XYLT1: variants seen among roughly 807,000 people sequenced by gnomAD.
The protein encoded by XYLT1 is xylosyltransferase 1.
In XYLT1, 36 loss-of-function variants were observed where a neutral mutation model predicts 91.3. The ratio of observed to expected loss-of-function variants is 0.39; its 90% CI spans 0.30 to 0.52. XYLT1 has a LOEUF of 0.52. XYLT1 is among the 20% of genes least tolerant of loss of function. The pLI is 0.68. For missense variants in XYLT1, 1,242 were observed against 1,284.5 expected, an observed-to-expected ratio of 0.97 and a Z score of 0.51; for synonymous variants, 588 against 532.0, an observed-to-expected ratio of 1.11 and a Z score of -1.45.
At chr16:17,158,213 G>A (rs550020959) in intron 6 of XYLT1, among the ~76,000 whole-genome samples, 3 of 152,294 alleles carry the variant, frequency 2.0e-5, no homozygotes, top group South Asian at 4.1e-4. Flanking sequence ...CATTTTAAGC[G>A]AGAGAGGTGT....
intron 1 of XYLT1, among the ~76,000 whole-genome samples, chr16:17,382,807 G>A (rs2035698169): frequency 6.6e-6 from 1 of 151,852 alleles, no homozygotes; most frequent in Admixed American, 6.6e-5. Flanking sequence ...TCTCGTGCAA[G>A]ACACTTTAGT....
At chr16:17,278,669 C>A (rs1437383058) in intron 2 of XYLT1, among the ~76,000 whole-genome samples, 1 of 152,160 alleles carries the variant, frequency 6.6e-6, no homozygotes, top group African/African-American at 2.4e-5. Context: ...ACTGTTTACC[C>A]AAGATTTTGC....
chr16:17,124,325 G>C (rs1436329041), intron 10 of XYLT1, among the ~76,000 whole-genome samples: 1 of 152,116 alleles, frequency 6.6e-6, no homozygotes, highest in Admixed American at 6.5e-5. Context: ...GCTTGGTAGT[G>C]GTGAATTATC....
intron 2 of XYLT1, among the ~76,000 whole-genome samples, chr16:17,294,490 G>T (rs978712178): frequency 9.9e-5 from 15 of 152,158 alleles, no homozygotes; most frequent in Non-Finnish European, 1.5e-4. Context: ...TGTAAGGGAG[G>T]GTGGCAGGGA....
At chr16:17,383,344 G>A (rs2035704917) in intron 1 of XYLT1, among the ~76,000 whole-genome samples, 1 of 151,694 alleles carries the variant, frequency 6.6e-6, no homozygotes, top group Admixed American at 6.6e-5. Context: ...CCTGACCTCC[G>A]AAGATAAGTA....
At chr16:17,411,859 C>T (rs1441962328) in intron 1 of XYLT1, among the ~76,000 whole-genome samples, 1 of 152,218 alleles carries the variant, frequency 6.6e-6, no homozygotes, top group East Asian at 1.9e-4. Flanking sequence ...ACCTTACTGA[C>T]TGATGGACAC....
At chr16:17,400,273 T>C (rs1163507591) in intron 1 of XYLT1, among the ~76,000 whole-genome samples, 3 of 152,150 alleles carry the variant, frequency 2.0e-5, no homozygotes, top group African/African-American at 7.2e-5. Context: ...ACACAAATTA[T>C]AGTACCTACT....
chr16:17,456,844 A>G (rs2036750359), intron 1 of XYLT1, among the ~76,000 whole-genome samples: 1 of 152,208 alleles, frequency 6.6e-6, no homozygotes, highest in South Asian at 2.1e-4. Context: ...TGGGAATACT[A>G]TCAGCAGCCA....
intron 2 of XYLT1, among the ~76,000 whole-genome samples, chr16:17,272,343 T>C (rs2033909802): frequency 6.6e-6 from 1 of 151,908 alleles, no homozygotes; most frequent in African/African-American, 2.4e-5. Flanking sequence ...TTTGTACTTT[T>C]AGTAGAGACG....
At chr16:17,459,354 G>A (rs903842638) in intron 1 of XYLT1, among the ~76,000 whole-genome samples, 7 of 152,174 alleles carry the variant, frequency 4.6e-5, no homozygotes, top group African/African-American at 1.4e-4. Context: ...CCGGGGTGAC[G>A]TAAGGAGTCC....
intron 2 of XYLT1, among the ~76,000 whole-genome samples, chr16:17,293,744 T>C (rs2034266345): frequency 6.6e-6 from 1 of 151,772 alleles, no homozygotes; most frequent in South Asian, 2.1e-4. Context: ...CCTCCTCGGA[T>C]GCCCAAAGTG....
intron 1 of XYLT1, among the ~76,000 whole-genome samples, chr16:17,459,972 A>T (rs531160857): frequency 6.6e-6 from 1 of 152,214 alleles, no homozygotes; most frequent in Non-Finnish European, 1.5e-5. Context: ...CTGCTTGAAG[A>T]CATGAGCCCC....
At chr16:17,361,113 G>A (rs1567392683) in intron 1 of XYLT1, among the ~76,000 whole-genome samples, 1 of 152,164 alleles carries the variant, frequency 6.6e-6, no homozygotes, top group Non-Finnish European at 1.5e-5. Flanking sequence ...GCTTGGGTTT[G>A]CCCATTTGAC....
At chr16:17,334,754 G>A (rs915185155) in intron 2 of XYLT1, among the ~76,000 whole-genome samples, 3 of 151,834 alleles carry the variant, frequency 2.0e-5, no homozygotes, top group African/African-American at 2.4e-5. Flanking sequence ...GTGGTGGCAG[G>A]TGCCTGTAGT....
chr16:17,376,565 G>A (rs111939713), intron 1 of XYLT1, among the ~76,000 whole-genome samples: 241 of 152,216 alleles, frequency 1.6e-3, no homozygotes, highest in African/African-American at 5.4e-3. Context: ...AGTGGCTCAC[G>A]CCTATAATCC....
chr16:17,400,675 G>GGAAGGAAC (rs2035955219), intron 1 of XYLT1, among the ~76,000 whole-genome samples: 1 of 136,226 alleles, frequency 7.3e-6, no homozygotes, highest in Admixed American at 7.2e-5. Context: ...AAGGAAGGAA[G>GGAAGGAAC]GAACTAACTA....
At chr16:17,433,080 G>C (rs895337781) in intron 1 of XYLT1, among the ~76,000 whole-genome samples, 1 of 152,034 alleles carries the variant, frequency 6.6e-6, no homozygotes, top group Admixed American at 6.5e-5. Context: ...CAGGAGTGAC[G>C]GTAATGATGA....
intron 2 of XYLT1, among the ~76,000 whole-genome samples, chr16:17,302,142 T>C (rs2034404397): frequency 6.6e-6 from 1 of 152,110 alleles, no homozygotes; most frequent in Non-Finnish European, 1.5e-5. Context: ...CAGGTGGATG[T>C]TGCAGTGAGC....
chr16:17,331,122 C>T (rs1159449084), intron 2 of XYLT1, among the ~76,000 whole-genome samples: 7 of 152,222 alleles, frequency 4.6e-5, no homozygotes, highest in Non-Finnish European at 8.8e-5. Context: ...CCCACAGCCC[C>T]TTGGCTCTGT....
Sources: gnomAD v4.1 joint callset for allele counts (sites outside exome capture counted in the v4.1 genomes callset) on GRCh38, gnomAD v4.1.1 for gene constraint, MANE v1.5 for transcripts, NCBI Gene and HGNC (gene_info 2026-07-23, HGNC 2026-07-21) for gene names.